U2AF2: variants seen among roughly 807,000 people sequenced by gnomAD.
The protein encoded by U2AF2 is U2 small nuclear RNA auxiliary factor 2, also known as splicing factor U2AF 65 kDa subunit.
A neutral mutation model predicts 52.6 loss-of-function variants in U2AF2; 6 were observed. That is an observed-to-expected ratio of 0.11 (90% CI 0.06 to 0.23). The LOEUF is 0.23. Among genes scored for constraint, U2AF2 ranks in the 10% least tolerant of loss-of-function variants. The probability of loss-of-function intolerance (pLI) is 1.00; values close to 1 mark genes in which losing one functional copy is unlikely to be tolerated. For synonymous variants in U2AF2, 284 were observed against 258.2 expected (o/e 1.10, Z -0.96); for missense variants, 222 against 677.1 (o/e 0.33, Z 7.46).
chr19:55,665,354 C>T (rs1050740206), intron 7 of U2AF2, among the ~76,000 whole-genome samples: 1 of 146,142 alleles, frequency 6.8e-6, no homozygotes, highest in African/African-American at 2.6e-5. Flanking sequence ...TGGCGCTGTC[C>T]TAAGTGCCCT....
chr19:55,655,867 G>A (rs1164587191), intron 1 of U2AF2, among the ~76,000 whole-genome samples: 3 of 152,212 alleles, frequency 2.0e-5, no homozygotes, highest in African/African-American at 7.2e-5. Context: ...CATATGCGGG[G>A]CTTTTGGCGG....
In U2AF2 at chr19:55,669,515, C is replaced by T; in HGVS notation, c.1116C>T (p.Gly372=). Residue 372 remains glycine (G), a synonymous_variant, in exon 11 of 12, where the codon GGC becomes GGT. Transcript: ENST00000308924. ...GLMSSQVQMG[G]HPTEVLCLMN... ...TGAGCTCCCAGGTGCAGATGGGCGG[C>T]CACCCGACTGAGGTCCTGTGCCTCA... is the stretch of plus-strand genomic sequence containing the variant. The T allele has an allele frequency of 6.2e-7, 1 of 1,613,878 alleles. No individual in the cohort carries two copies. Among genetic ancestry groups the T allele is most frequent in the Non-Finnish European group, 8.5e-7 (1 of 1,179,854 alleles).
chr19:55,661,382 T>G, intron 5 of U2AF2, 193 bp downstream of exon 5: 1 of 510,844 alleles, frequency 2.0e-6, no homozygotes, highest in African/African-American at 2.0e-5. Flanking sequence ...TCCCTCCTCT[T>G]CCCCTCTCCC....
intron 3 of U2AF2, 38 bp downstream of exon 3, chr19:55,660,259 A>T: frequency 6.3e-7 from 1 of 1,594,126 alleles, no homozygotes; most frequent in Non-Finnish European, 8.5e-7. Context: ...CCTGATGTCC[A>T]CTCCCTTCAC....
chr19:55,662,966 C>T (rs1291736613), intron 6 of U2AF2, among the ~76,000 whole-genome samples: 1 of 152,134 alleles, frequency 6.6e-6, no homozygotes, highest in African/African-American at 2.4e-5. Context: ...CACCAGCTAA[C>T]TGATGTTCCT....
intron 6 of U2AF2, 44 bp from the exon 7 acceptor site, chr19:55,663,562 G>T: frequency 1.9e-6 from 3 of 1,603,430 alleles, no homozygotes; most frequent in Non-Finnish European, 2.6e-6. Flanking sequence ...GGCTGTACTA[G>T]TCCCTGACCC....
intron 5 of U2AF2, 23 bp downstream of exon 5, chr19:55,661,212 A>T (rs538797912): frequency 2.6e-6 from 4 of 1,536,514 alleles, no homozygotes; most frequent in African/African-American, 1.4e-5. Flanking sequence ...CCTGCCCCCT[A>T]CCCTCTCCCT....
At chr19:55,662,463 TTCCCCC>T in intron 5 of U2AF2, 33 bp from the exon 6 acceptor site, 4 of 358,718 alleles carry the variant, frequency 1.1e-5, no homozygotes, top group Non-Finnish European at 2.3e-5. Context: ...TCCACCTCCC[TTCCCCC>T]GCCCCCCCCC....
rs1250933163 is a variant in U2AF2 at position 55,668,472 on chromosome 19, A to C, written c.743-35A>C. 1 of 1,537,578 alleles carries C rather than the reference A, an allele frequency of 6.5e-7. No homozygotes were observed. Among genetic ancestry groups the C allele is most frequent in the South Asian group, 1.2e-5 (1 of 80,076 alleles). On this transcript the variant is annotated intron_variant, in intron 7 of 11. Transcript: ENST00000308924. This position sits in a 1 kb window ranked among gnomAD's most constrained non-coding sequence, Gnocchi z 5.5. Reference sequence around the variant, plus strand: ...TCCAGGTTTTGGGAGATAACCTGGTACTGGAATTGAAGTCCTCCTCTTCTC... The same window carrying C: ...TCCAGGTTTTGGGAGATAACCTGGTCCTGGAATTGAAGTCCTCCTCTTCTC...
rs776779511 is a variant in U2AF2, at chr19:55,660,269, C to T, written c.230+48C>T. 1.3e-4 allele frequency: 203 copies of T among 1,595,600 alleles called. No individual in the cohort carries two copies. The Middle Eastern group carries it at 5.2e-3, about 41-fold the overall frequency. ...TCCTCCCTGATGTCCACTCCCTTCA[C>T]CTTCCTCACGCCCGTGCACCCTGTC... On this transcript the variant is annotated intron_variant, in intron 3 of 11. Coordinates refer to ENST00000308924, the MANE Select transcript of U2AF2 (RefSeq NM_007279.3).
intron 1 of U2AF2, among the ~76,000 whole-genome samples, chr19:55,658,500 C>T (rs370546017): frequency 2.6e-5 from 4 of 152,280 alleles, no homozygotes; most frequent in Non-Finnish European, 2.9e-5. Flanking sequence ...TTTACAGTCT[C>T]TTCAGTACTT....
chr19:55,669,593 C>T lies in U2AF2; in HGVS notation c.1194C>T (p.Ile398=), dbSNP rs151256609. 4.0e-5 allele frequency: 64 copies of T among 1,613,660 alleles called. No homozygotes were observed. Among genetic ancestry groups the T allele is most frequent in the Non-Finnish European group, 5.0e-5 (59 of 1,179,900 alleles). Residue 398 remains isoleucine (I), a synonymous_variant, in exon 11 of 12, where the codon ATC becomes ATT. Coordinates refer to ENST00000308924, the MANE Select transcript of U2AF2 (RefSeq NM_007279.3). The part of the protein sequence containing the change: ...ELLDDEEYEE[I]VEDVRDECSK... ...TGGACGACGAGGAGTATGAGGAGATCGTGGAGGACGTGCGGGACGAGTGCA... is the reference window on the plus strand; with the variant it reads ...TGGACGACGAGGAGTATGAGGAGATTGTGGAGGACGTGCGGGACGAGTGCA...
At chr19:55,657,453 G>T (rs974729897) in intron 1 of U2AF2, among the ~76,000 whole-genome samples, 5 of 152,140 alleles carry the variant, frequency 3.3e-5, no homozygotes, top group African/African-American at 4.8e-5. Context: ...GAATTTCCTT[G>T]TCTATATCCC....
intron 7 of U2AF2, among the ~76,000 whole-genome samples, chr19:55,664,975 C>G (rs552935138): frequency 1.3e-5 from 2 of 152,306 alleles, no homozygotes; most frequent in Non-Finnish European, 2.9e-5. Flanking sequence ...ACCTCAGTCT[C>G]CCAGAGTGTT....
chr19:55,669,250 T>C (rs1335321338), intron 10 of U2AF2, 69 bp downstream of exon 10: 1 of 1,578,420 alleles, frequency 6.3e-7, no homozygotes, highest in African/African-American at 1.3e-5. Flanking sequence ...GGACAAGTGT[T>C]CCTGATCTTT....
chr19:55,663,211 C>G (rs1248256387), intron 6 of U2AF2, among the ~76,000 whole-genome samples: 3 of 152,198 alleles, frequency 2.0e-5, no homozygotes, highest in African/African-American at 7.2e-5. Context: ...TCTGTCTTTG[C>G]CTCACTGCAG....
chr19:55,664,942 G>A (rs1462280189), intron 7 of U2AF2, among the ~76,000 whole-genome samples: 1 of 151,972 alleles, frequency 6.6e-6, no homozygotes, highest in Admixed American at 6.6e-5. Flanking sequence ...GGTCTCCGAC[G>A]CCTGACCTCA....
At chr19:55,667,443 A>G (rs907511565) in intron 7 of U2AF2, among the ~76,000 whole-genome samples, 1 of 152,086 alleles carries the variant, frequency 6.6e-6, no homozygotes, top group Non-Finnish European at 1.5e-5. Flanking sequence ...GACGGCGTCA[A>G]GTTACATTGG....
rs548137515 is a variant in U2AF2 at position 55,657,649 on chromosome 19, T to A, written c.50-1561T>A. On this transcript the variant is annotated intron_variant, in intron 1 of 11. Coordinates refer to ENST00000308924, the MANE Select transcript of U2AF2 (RefSeq NM_007279.3). The stretch of plus-strand genomic sequence containing the variant: ...TACACTGCTGGCCTGTCCTGCCGAT[T>A]GTTCCTCCCAATTTCAGTTTTTGAT... 2.0e-5 allele frequency among the ~76,000 whole-genome samples: 3 copies of A among 152,046 alleles called. No individual in the cohort carries two copies. In the East Asian group the frequency reaches 5.8e-4, roughly 29 times the overall value.
Sources: gnomAD v4.1 joint callset for allele counts (sites outside exome capture counted in the v4.1 genomes callset) on GRCh38, gnomAD v4.1.1 for gene constraint, Gnocchi (gnomAD v3.1) non-coding constraint, MANE v1.5 for transcripts, NCBI Gene and HGNC (gene_info 2026-07-23, HGNC 2026-07-21) for gene names.